EPB41L5: variants seen among roughly 807,000 people sequenced by gnomAD.
EPB41L5 encodes the protein erythrocyte membrane protein band 4.1 like 5, also known as band 4.1-like protein 5.
A neutral mutation model predicts 106.6 loss-of-function variants in EPB41L5; 55 were observed. The ratio of observed to expected loss-of-function variants is 0.52; its 90% confidence interval spans 0.42 to 0.65. The LOEUF (loss-of-function observed/expected upper bound fraction) is 0.65, where lower values mean the gene tolerates loss of function less well. Among genes scored for constraint, EPB41L5 ranks in the 30% least tolerant of loss-of-function variants. The probability of loss-of-function intolerance (pLI) is 0.00; values close to 1 mark genes in which losing one functional copy is unlikely to be tolerated. For missense variants in EPB41L5, 871 were observed against 882.1 expected (o/e 0.99, Z 0.16); for synonymous variants, 297 against 306.7 (o/e 0.97, Z 0.33).
At chr2:120,151,170 G>T (rs1686653529) in intron 20 of EPB41L5, among the ~76,000 whole-genome samples, 1 of 151,906 alleles carries the variant, frequency 6.6e-6, no homozygotes, top group Non-Finnish European at 1.5e-5. Flanking sequence ...AAATTAGCCG[G>T]GTGCCTGTAG....
intron 3 of EPB41L5, among the ~76,000 whole-genome samples, chr2:120,067,737 G>A (rs1019574975): frequency 3.3e-5 from 5 of 152,114 alleles, no homozygotes; most frequent in African/African-American, 1.2e-4. Context: ...CCTCTGAGGA[G>A]CATCTGTTTT....
chr2:120,102,639 C>A (rs899619572), intron 16 of EPB41L5, among the ~76,000 whole-genome samples: 2 of 152,130 alleles, frequency 1.3e-5, no homozygotes, highest in Admixed American at 1.3e-4. Flanking sequence ...AACAATTGGG[C>A]AGAATAATGG....
At chr2:120,130,219 T>A (rs1328328607) in intron 17 of EPB41L5, among the ~76,000 whole-genome samples, 3 of 139,714 alleles carry the variant, frequency 2.1e-5, no homozygotes. Flanking sequence ...GGAGCTTGAA[T>A]GTTGTCAAGG....
intron 9 of EPB41L5, 60 bp downstream of exon 9, chr2:120,077,376 G>C: frequency 6.8e-7 from 1 of 1,474,404 alleles, no homozygotes; most frequent in Non-Finnish European, 9.4e-7. Context: ...CGCAGTGACT[G>C]TGGAATTTTT....
In EPB41L5 at chr2:120,178,004, A is replaced by G. The variant is rs989038498; in HGVS notation, c.*3097A>G. 2 of 152,504 alleles carry G rather than the reference A, an allele frequency of 1.3e-5. No homozygotes were observed. Among genetic ancestry groups the G allele is most frequent in the African/African-American group, 2.4e-5 (1 of 41,430 alleles). 9.4% of individuals were successfully genotyped at this position (152,504 alleles called of 1,614,324 possible). On this transcript the variant is annotated 3_prime_UTR_variant, in exon 25 of 25. Coordinates refer to ENST00000263713, the MANE Select transcript of EPB41L5 (RefSeq NM_020909.4). ...TCAGTCACAGAGAGAAAAATCTGCTATTTTTCTAAGTAAGAGTCTCGAGAA... is the reference window on the plus strand; with the variant it reads ...TCAGTCACAGAGAGAAAAATCTGCTGTTTTTCTAAGTAAGAGTCTCGAGAA...
At position 120,178,940 on chromosome 2, in the gene EPB41L5, A is replaced by T. The variant is rs1688007876; in HGVS notation, c.*4033A>T. On this transcript the variant is annotated 3_prime_UTR_variant, in exon 25 of 25. Transcript: ENST00000263713. ...TAACTATTTTGTGTTTACCTTTTAT[A>T]TGTGTAAAACTTTGCAGTAGCATTT... 6.6e-6 allele frequency: 1 copy of T among 152,168 alleles called. No individual in the cohort carries two copies. The highest frequency in any genetic ancestry group is 1.5e-5 in the Non-Finnish European group (1 of 68,034). 9.4% of individuals were successfully genotyped at this position (152,168 alleles called of 1,614,324 possible). A position where few individuals can be genotyped will look rare whatever the true frequency, so the allele number is the denominator to read the frequency against.
chr2:120,104,908 C>T, intron 16 of EPB41L5: 2 of 977,392 alleles, frequency 2.0e-6, no homozygotes, highest in Non-Finnish European at 2.4e-6. Context: ...GATTAACATT[C>T]AGTTATCATA....
intron 20 of EPB41L5, 103 bp from the exon 21 acceptor site, chr2:120,160,778 C>A: frequency 1.3e-6 from 1 of 751,528 alleles, no homozygotes; most frequent in Admixed American, 2.2e-5. Context: ...TATACCTTCC[C>A]CTACATGAAT....
chr2:120,160,844 G>A (rs1687109981), intron 20 of EPB41L5, 37 bp from the exon 21 acceptor site: 1 of 1,489,020 alleles, frequency 6.7e-7, no homozygotes, highest in Non-Finnish European at 9.4e-7. Context: ...TACCTGTACA[G>A]GTCCTACATG....
intron 10 of EPB41L5, among the ~76,000 whole-genome samples, chr2:120,084,652 C>T (rs1014864984): frequency 3.9e-5 from 6 of 152,018 alleles, no homozygotes; most frequent in Admixed American, 1.3e-4. Flanking sequence ...TCTGTATTTC[C>T]TGAATTTGAA....
At position 120,077,051 on chromosome 2, in the gene EPB41L5, G is replaced by A; in HGVS notation, c.586G>A (p.Glu196Lys). The change falls in exon 8 of 25, where the codon GAG (glutamate) becomes AAG (lysine). Residue 196 changes from glutamate (E) to lysine (K), a missense_variant. Glu to Lys is a moderately conservative substitution (Grantham distance 56). Coordinates refer to ENST00000263713, the MANE Select transcript of EPB41L5 (RefSeq NM_020909.4). Reference sequence around the variant, plus strand: ...CAGATTCGTGCCTATTCAGACTGAAGAGATGGAACTGGCTATTTTTGAGAA... The same window carrying A: ...CAGATTCGTGCCTATTCAGACTGAAAAGATGGAACTGGCTATTTTTGAGAA... Reference protein sequence around the residue: ...EFRFVPIQTEEMELAIFEKWK... With the variant: ...EFRFVPIQTEKMELAIFEKWK... 6 of 1,613,100 alleles carry A rather than the reference G, an allele frequency of 3.7e-6. No homozygotes were observed. Among genetic ancestry groups the A allele is most frequent in the Non-Finnish European group, 5.1e-6 (6 of 1,179,354 alleles).
At chr2:120,097,706 G>A (rs1683850154) in intron 14 of EPB41L5, among the ~76,000 whole-genome samples, 1 of 152,134 alleles carries the variant, frequency 6.6e-6, no homozygotes, top group South Asian at 2.1e-4. Context: ...CTATGTAAAA[G>A]CAAAAATGGT....
chr2:120,049,941 A>G (rs1680108388), intron 3 of EPB41L5, among the ~76,000 whole-genome samples: 1 of 152,178 alleles, frequency 6.6e-6, no homozygotes, highest in Non-Finnish European at 1.5e-5. Flanking sequence ...TTGGCTGGAT[A>G]TGAAATTCTG....
At chr2:120,172,264 A>G (rs886607973) in intron 24 of EPB41L5, among the ~76,000 whole-genome samples, 5 of 152,194 alleles carry the variant, frequency 3.3e-5, no homozygotes, top group Non-Finnish European at 5.9e-5. Context: ...TTCTCAGAAC[A>G]GAGGACTTGA....
chr2:120,050,645 A>G (rs776929391), intron 3 of EPB41L5, among the ~76,000 whole-genome samples: 7 of 152,164 alleles, frequency 4.6e-5, no homozygotes, highest in Admixed American at 1.3e-4. Context: ...TCTGAAGCCT[A>G]CTTCTCGCAA....
intron 16 of EPB41L5, among the ~76,000 whole-genome samples, chr2:120,113,544 A>T (rs1230463299): frequency 6.6e-6 from 1 of 152,256 alleles, no homozygotes; most frequent in Non-Finnish European, 1.5e-5. Context: ...ACGTTTAAAA[A>T]AATTTAAGTG....
intron 20 of EPB41L5, among the ~76,000 whole-genome samples, chr2:120,151,027 C>T (rs1686648114): frequency 6.6e-6 from 1 of 152,102 alleles, no homozygotes; most frequent in Admixed American, 6.5e-5. Flanking sequence ...TGTCTATTTT[C>T]AGTTAATTTT....
intron 20 of EPB41L5, among the ~76,000 whole-genome samples, chr2:120,156,696 G>A (rs1323187637): frequency 6.6e-6 from 1 of 152,158 alleles, no homozygotes; most frequent in Non-Finnish European, 1.5e-5. Context: ...ACACAGACCT[G>A]TATTACATAA....
chr2:120,126,951 G>A (rs1319853935), intron 16 of EPB41L5, among the ~76,000 whole-genome samples: 1 of 152,144 alleles, frequency 6.6e-6, no homozygotes, highest in Non-Finnish European at 1.5e-5. Flanking sequence ...GATTTTCAGT[G>A]TACAAGTCAT....
Sources: allele counts gnomAD v4.1 joint callset (sites outside exome capture counted in the v4.1 genomes callset), GRCh38; gene constraint gnomAD v4.1.1; transcripts MANE v1.5; gene names NCBI Gene and HGNC (gene_info 2026-07-23, HGNC 2026-07-21).